The following SLC4A4 variants were observed in gnomAD, a reference collection of about 807,000 sequenced individuals.
SLC4A4 encodes solute carrier family 4 member 4, also known as electrogenic sodium bicarbonate cotransporter 1.
A neutral mutation model predicts 111.5 loss-of-function variants in SLC4A4; 27 were observed. The ratio of observed to expected loss-of-function variants is 0.24; its 90% CI spans 0.18 to 0.33. The LOEUF is 0.33. Among genes scored for constraint, SLC4A4 ranks in the 10% least tolerant of loss-of-function variants. The pLI is 1.00. For missense variants in SLC4A4, 909 were observed against 1,315.5 expected (o/e 0.69, Z 4.78); for synonymous variants, 443 against 463.4 (o/e 0.96, Z 0.57).
intron 6 of SLC4A4, among the ~76,000 whole-genome samples, chr4:71,366,175 G>T (rs1276423654): frequency 1.3e-5 from 2 of 152,178 alleles, no homozygotes; most frequent in African/African-American, 4.8e-5. Context: ...AAATAGCAGT[G>T]CCGAGTGCAT....
rs1006942993 is a variant in SLC4A4 at position 71,355,908 on chromosome 4, G to C, written c.551-1100G>C. Among the ~76,000 whole-genome samples, 4 of 152,346 alleles carry C rather than the reference G, an allele frequency of 2.6e-5. No individual in the cohort carries two copies. The East Asian group carries it at 7.7e-4, about 29-fold the overall frequency. ...CATTTATATACTAAAGTTTGCCCAAGTGGAAAATATCAGTGTGTGCTAGAT... is the reference window on the plus strand; with the variant it reads ...CATTTATATACTAAAGTTTGCCCAACTGGAAAATATCAGTGTGTGCTAGAT... On this transcript the variant is annotated intron_variant, in intron 5 of 25. Coordinates refer to ENST00000264485, the MANE Select transcript of SLC4A4 (RefSeq NM_001098484.3).
At chr4:71,221,667 G>A (rs556281472) in intron 1 of SLC4A4, among the ~76,000 whole-genome samples, 1 of 152,298 alleles carries the variant, frequency 6.6e-6, no homozygotes, top group East Asian at 1.9e-4. Flanking sequence ...GATTTAGGTA[G>A]GCGAGGTTTC....
At chr4:71,459,651 C>G (rs1726636081) in intron 12 of SLC4A4, among the ~76,000 whole-genome samples, 1 of 152,006 alleles carries the variant, frequency 6.6e-6, no homozygotes, top group African/African-American at 2.4e-5. Flanking sequence ...AGGTGATTAA[C>G]TACATGTTTA....
chr4:71,248,345 G>A (rs1720829952), intron 2 of SLC4A4, among the ~76,000 whole-genome samples: 1 of 151,448 alleles, frequency 6.6e-6, no homozygotes, highest in East Asian at 1.9e-4. Context: ...AATTCAGAAT[G>A]TGCATTAAAT....
Position 71,570,281 on chromosome 4 carries a change from A to G in SLC4A4, c.*2530A>G, listed in dbSNP as rs953909247. On this transcript the variant is annotated 3_prime_UTR_variant, in exon 26 of 26. Transcript: ENST00000264485. ...GTAAAACCTATGTGTACTTCTGTTT[A>G]TGATCCATATTGATATTTATGACAT... 1.3e-5 allele frequency: 2 copies of G among 151,782 alleles called. No homozygotes were observed. The highest frequency in any genetic ancestry group is 6.6e-5 in the Admixed American group (1 of 15,176). The allele number at this position is 151,782 out of a possible 1,614,324, so 9.4% of individuals were successfully genotyped here. A position where few individuals can be genotyped will look rare whatever the true frequency, so the allele number is the denominator to read the frequency against.
At chr4:71,418,022 G>A (rs1445968115) in intron 7 of SLC4A4, among the ~76,000 whole-genome samples, 1 of 152,084 alleles carries the variant, frequency 6.6e-6, no homozygotes, top group Non-Finnish European at 1.5e-5. Context: ...ATATGAAAGT[G>A]TTTTAAAAAC....
chr4:71,237,938 G>A (rs753852404), intron 2 of SLC4A4, among the ~76,000 whole-genome samples: 2 of 152,142 alleles, frequency 1.3e-5, no homozygotes, highest in Non-Finnish European at 2.9e-5. Flanking sequence ...GTGGGAAAAT[G>A]TCAAGCTGGT....
chr4:71,373,913 A>G (rs1277953580), intron 6 of SLC4A4, among the ~76,000 whole-genome samples: 2 of 152,220 alleles, frequency 1.3e-5, no homozygotes, highest in African/African-American at 4.8e-5. Flanking sequence ...GGTAGCAACC[A>G]GGAAGATCAT....
intron 2 of SLC4A4, among the ~76,000 whole-genome samples, chr4:71,241,589 G>A (rs1344747650): frequency 1.3e-5 from 2 of 152,018 alleles, no homozygotes; most frequent in Non-Finnish European, 2.9e-5. Flanking sequence ...AAAACCTATC[G>A]GATGGGCAGG....
intron 3 of SLC4A4, among the ~76,000 whole-genome samples, chr4:71,312,153 A>G (rs1726244870): frequency 6.6e-6 from 1 of 152,256 alleles, no homozygotes; most frequent in Admixed American, 6.5e-5. Flanking sequence ...CCTCTAGCAA[A>G]TAAACTAGAA....
intron 3 of SLC4A4, among the ~76,000 whole-genome samples, chr4:71,338,029 C>T (rs894881272): frequency 3.3e-5 from 5 of 152,038 alleles, no homozygotes; most frequent in African/African-American, 1.2e-4. Flanking sequence ...AACAGGGTTT[C>T]ACCATGTTGG....
chr4:71,113,322 C>G (rs796674652), intron 2 of SLC4A4, among the ~76,000 whole-genome samples: 8 of 152,254 alleles, frequency 5.3e-5, no homozygotes, highest in African/African-American at 1.9e-4. Flanking sequence ...ATCCACATAC[C>G]CTGAAAAATC....
Position 71,570,027 on chromosome 4 carries a change from T to TG in SLC4A4, c.*2276_*2277insG, listed in dbSNP as rs1331302683. 7.3e-5 allele frequency: 11 copies of TG among 150,168 alleles called. No individual in the cohort carries two copies. The highest frequency in any genetic ancestry group is 2.8e-4 in the African/African-American group (11 of 39,906). The allele number at this position is 150,168 out of a possible 1,614,324, so 9.3% of individuals were successfully genotyped here. On this transcript the variant is annotated 3_prime_UTR_variant, in exon 26 of 26. Coordinates refer to ENST00000264485, the MANE Select transcript of SLC4A4 (RefSeq NM_001098484.3). The stretch of plus-strand genomic sequence containing the variant: ...ATAAACTGGTATAAGAAGACTTTCC[T>TG]TTTTTCTTTATGCATGGAAGCATCA...
chr4:71,277,421 T>C (rs1204977041), intron 3 of SLC4A4, among the ~76,000 whole-genome samples: 2 of 152,186 alleles, frequency 1.3e-5, no homozygotes, highest in African/African-American at 2.4e-5. Context: ...TTTTTTGCCA[T>C]CTGTGTATCC....
At chr4:71,277,114 G>A (rs1024370894) in intron 3 of SLC4A4, among the ~76,000 whole-genome samples, 23 of 152,122 alleles carry the variant, frequency 1.5e-4, no homozygotes, top group Non-Finnish European at 3.1e-4. Context: ...TTGTGCACAC[G>A]CTTTTGAATG....
chr4:71,512,266 A>G (rs561686383), intron 16 of SLC4A4, among the ~76,000 whole-genome samples: 46 of 152,208 alleles, frequency 3.0e-4, no homozygotes, highest in African/African-American at 1.1e-3. Context: ...TCTACCAACC[A>G]TATAAAACAT....
intron 14 of SLC4A4, among the ~76,000 whole-genome samples, chr4:71,482,818 A>G (rs566256340): frequency 1.3e-5 from 2 of 151,696 alleles, no homozygotes; most frequent in South Asian, 4.1e-4. Context: ...GTGGCCACAT[A>G]AGTCATCTGA....
chr4:71,439,902 C>T (rs1724562563), intron 7 of SLC4A4, among the ~76,000 whole-genome samples: 1 of 151,788 alleles, frequency 6.6e-6, no homozygotes, highest in African/African-American at 2.4e-5. Context: ...CTGGTTCACC[C>T]CTTACCTATG....
intron 3 of SLC4A4, among the ~76,000 whole-genome samples, chr4:71,327,597 A>G (rs75091381): frequency 0.057 from 8,602 of 152,136 alleles, 305 homozygotes; most frequent in East Asian, 0.11. Flanking sequence ...ATTTCCTGGG[A>G]TAGCGTAACC....
Sources: gnomAD v4.1 joint callset for allele counts (sites outside exome capture counted in the v4.1 genomes callset) on GRCh38, gnomAD v4.1.1 for gene constraint, MANE v1.5 for transcripts, NCBI Gene and HGNC (gene_info 2026-07-23, HGNC 2026-07-21) for gene names.